UNC13B: variants seen among roughly 807,000 people sequenced by gnomAD.
The protein encoded by UNC13B is protein unc-13 homolog B.
UNC13B carries 144 observed loss-of-function variants against 211.0 expected under a neutral mutation model. The ratio of observed to expected loss-of-function variants is 0.68; its 90% CI spans 0.60 to 0.78. UNC13B has a LOEUF of 0.78. Among genes scored for constraint, UNC13B ranks in the 30% least tolerant of loss-of-function variants. UNC13B has a pLI of 0.00. For missense variants in UNC13B, 1,777 were observed against 2,002.0 expected (o/e 0.89, Z 2.14); for synonymous variants, 709 against 725.8 (o/e 0.98, Z 0.37).
Position 35,306,072 on chromosome 9 carries a change from A to T in UNC13B, c.6668A>T (p.Asp2223Val). 1.0e-5 allele frequency: 4 copies of T among 398,910 alleles called. No individual in the cohort carries two copies. Among genetic ancestry groups the T allele is most frequent in the Non-Finnish European group, 1.8e-5 (4 of 226,028 alleles). The allele number at this position is 398,910 out of a possible 1,614,324, so 24.7% of individuals were successfully genotyped here. ...AGTTTCTTCAGCTTGTCCTTTTTGG[A>T]TCAAAAAAAGGAGACCTCTGGGGAA... Reference protein sequence around the residue: ...TFSFFSLSFLDQKKETSGEKQ... With the variant: ...TFSFFSLSFLVQKKETSGEKQ... Residue 2223 changes from aspartate (D) to valine (V), a missense_variant, in exon 9 of 40, where the codon GAT (aspartate) becomes GTT (valine). Transcript: ENST00000635942.
At chr9:35,385,478 G>A (rs1835128556) in intron 22 of UNC13B, 7 of 985,468 alleles carry the variant, frequency 7.1e-6, no homozygotes, top group Non-Finnish European at 8.4e-6. Context: ...TGCATGGGAA[G>A]TAGGGCTGGA....
chr9:35,298,967 A>G (rs1039715128), intron 8 of UNC13B, among the ~76,000 whole-genome samples: 1 of 152,228 alleles, frequency 6.6e-6, no homozygotes, highest in Non-Finnish European at 1.5e-5. Flanking sequence ...ATGGTGGCTC[A>G]TGCCTGTAAT....
intron 7 of UNC13B, among the ~76,000 whole-genome samples, chr9:35,279,293 G>C (rs1039144031): frequency 3.3e-5 from 5 of 152,142 alleles, no homozygotes; most frequent in Admixed American, 2.0e-4. Context: ...GAATCATATA[G>C]TATTAGGCCT....
intron 8 of UNC13B, among the ~76,000 whole-genome samples, chr9:35,297,096 T>C (rs1305505779): frequency 6.7e-6 from 1 of 150,084 alleles, no homozygotes; most frequent in Non-Finnish European, 1.5e-5. Flanking sequence ...GAAGCTTTTT[T>C]TTTTTTTTTT....
intron 1 of UNC13B, among the ~76,000 whole-genome samples, chr9:35,185,753 T>A: frequency 6.6e-6 from 1 of 150,604 alleles, no homozygotes. Flanking sequence ...AAACCCCATC[T>A]CTATTAAAAT....
chr9:35,403,970 C>T lies in UNC13B; in HGVS notation c.12960C>T (p.Asp4320=), dbSNP rs752369679. 9.3e-6 allele frequency: 15 copies of T among 1,613,868 alleles called. No individual in the cohort carries two copies. The highest frequency in any genetic ancestry group is 1.3e-5 in the African/African-American group (1 of 74,846). Residue 4320 remains aspartate, a synonymous_variant, in exon 40 of 40, where the codon GAC becomes GAT. Coordinates refer to ENST00000635942, the MANE Select transcript of UNC13B (RefSeq NM_001371189.2). ...ILRILSQRSN[D]EVAREFVKLK... ...GGATTTTATCTCAGAGGAGCAATGA[C>T]GAGGTGGCCCGAGAATTTGTGAAAC...
At chr9:35,193,255 A>G (rs1234127773) in intron 1 of UNC13B, among the ~76,000 whole-genome samples, 2 of 152,150 alleles carry the variant, frequency 1.3e-5, no homozygotes, top group Admixed American at 1.3e-4. Flanking sequence ...AGTCCATGCT[A>G]AAGTGTTTAC....
chr9:35,304,706 T>A lies in UNC13B; in HGVS notation c.5302T>A (p.Phe1768Ile), dbSNP rs2131838256. The A allele has an allele frequency of 2.5e-6, 1 of 398,820 alleles. No homozygotes were observed. Among genetic ancestry groups the A allele is most frequent in the South Asian group, 1.3e-4 (1 of 7,854 alleles). 24.7% of individuals were successfully genotyped at this position (398,820 alleles called of 1,614,324 possible). A position where few individuals can be genotyped will look rare whatever the true frequency, so the allele number is the denominator to read the frequency against. ...TGCCTCAGTTGGTAGTACTTTGAAG[T>A]TTGATAAGAGTGAATCCTTAGAGGC... ...LGASVGSTLK[F>I]DKSESLEALA... Residue 1768 changes from phenylalanine to isoleucine, a missense_variant, in exon 9 of 40, where the codon TTT becomes ATT. Transcript: ENST00000635942.
intron 12 of UNC13B, 117 bp downstream of exon 12, chr9:35,367,110 A>C: frequency 2.0e-6 from 2 of 1,025,298 alleles, no homozygotes; most frequent in South Asian, 2.7e-5. Flanking sequence ...GGGAAGGAAA[A>C]GGTTCCACTA....
In UNC13B at chr9:35,375,205, A is replaced by G; in HGVS notation, c.9615+4A>G. 1 of 1,614,066 alleles carries G rather than the reference A, an allele frequency of 6.2e-7. No homozygotes were observed. Among genetic ancestry groups the G allele is most frequent in the Non-Finnish European group, 8.5e-7 (1 of 1,179,900 alleles). ...TTCTCTTAAGGACGAAGAGCTGGTA[A>G]GTGTCCCAAGTGCTTTCGTAAGTCC... On this transcript the variant is annotated splice_donor_region_variant and intron_variant, in intron 14 of 39. Coordinates refer to ENST00000635942, the MANE Select transcript of UNC13B (RefSeq NM_001371189.2).
chr9:35,217,429 C>T (rs1269482658), intron 1 of UNC13B, among the ~76,000 whole-genome samples: 2 of 149,410 alleles, frequency 1.3e-5, no homozygotes, highest in Non-Finnish European at 3.0e-5. Context: ...GTCTCTGTCA[C>T]CCAGGCTGGA....
rs1829949264 is a variant in UNC13B at position 35,306,855 on chromosome 9, C to T, written c.7451C>T (p.Ser2484Phe). The T allele has an allele frequency of 2.0e-5, 8 of 399,048 alleles. No homozygotes were observed. Among genetic ancestry groups the T allele is most frequent in the Non-Finnish European group, 3.5e-5 (8 of 226,066 alleles). 24.7% of individuals were successfully genotyped at this position (399,048 alleles called of 1,614,324 possible). ...EPPKTLSGLF[S>F]SPKSPKKNSF... is the part of the protein sequence containing the mutation. ...CCCAAAACACTCTCTGGACTTTTCT[C>T]CTCTCCTAAATCTCCAAAGAAAAAC... The change falls in exon 9 of 40, where the codon TCC (serine) becomes TTC (phenylalanine). Residue 2484 changes from serine (S) to phenylalanine (F), a missense_variant. Transcript: ENST00000635942.
chr9:35,385,690 T>C, intron 22 of UNC13B, 34 bp from the exon 23 acceptor site: 10 of 1,579,448 alleles, frequency 6.3e-6, no homozygotes, highest in Non-Finnish European at 8.7e-6. Flanking sequence ...CATAGTCCTC[T>C]GTTCCTTTCT....
chr9:35,283,249 A>T (rs993359754), intron 7 of UNC13B, among the ~76,000 whole-genome samples: 2 of 152,072 alleles, frequency 1.3e-5, no homozygotes, highest in Non-Finnish European at 2.9e-5. Flanking sequence ...CCCATTGTTC[A>T]TAGGTATTTT....
Position 35,182,265 on chromosome 9 carries a change from T to C in UNC13B, c.22+19960T>C, listed in dbSNP as rs562858116. On this transcript the variant is annotated intron_variant, in intron 1 of 39. Transcript: ENST00000635942. ...TGCTTCTAGTGCATTTTTATACTTT[T>C]TCTCATGTTTAACTTAATATTCTTT... 6.6e-5 allele frequency among the ~76,000 whole-genome samples: 10 copies of C among 152,208 alleles called. No homozygotes were observed. The East Asian group carries it at 1.2e-3, about 18-fold the overall frequency.
intron 1 of UNC13B, among the ~76,000 whole-genome samples, chr9:35,187,752 C>T (rs1221197479): frequency 6.6e-6 from 1 of 152,172 alleles, no homozygotes; most frequent in African/African-American, 2.4e-5. Context: ...ATCCCCTCCT[C>T]TTAAGGTCCC....
intron 7 of UNC13B, among the ~76,000 whole-genome samples, chr9:35,264,119 G>GA (rs1399063399): frequency 6.6e-6 from 1 of 152,142 alleles, no homozygotes. Context: ...GTGCATGCTA[G>GA]AAAAAACTGA....
At chr9:35,329,573 C>T (rs541713820) in intron 11 of UNC13B, among the ~76,000 whole-genome samples, 5 of 151,850 alleles carry the variant, frequency 3.3e-5, no homozygotes, top group African/African-American at 4.8e-5. Context: ...CTACAGCCTC[C>T]ACCTCCTAGG....
At chr9:35,296,025 A>G (rs1338814082) in intron 8 of UNC13B, 95 bp downstream of exon 8, 3 of 1,181,758 alleles carry the variant, frequency 2.5e-6, no homozygotes, top group Middle Eastern at 2.1e-4. Flanking sequence ...CTGAAGAGGT[A>G]GCGTAAGTGT....
Sources: gnomAD v4.1 joint callset for allele counts (sites outside exome capture counted in the v4.1 genomes callset) on GRCh38, gnomAD v4.1.1 for gene constraint, MANE v1.5 for transcripts, NCBI Gene and HGNC (gene_info 2026-07-23, HGNC 2026-07-21) for gene names.